The following PELI2 variants were observed in gnomAD, a reference collection of about 807,000 sequenced individuals.
The protein encoded by PELI2 is pellino E3 ubiquitin protein ligase family member 2.
In PELI2, 23 loss-of-function variants were observed where a neutral mutation model predicts 42.3. The ratio of observed to expected loss-of-function variants is 0.54; its 90% confidence interval spans 0.39 to 0.77. The LOEUF (loss-of-function observed/expected upper bound fraction) is 0.77. PELI2 is among the 30% of genes least tolerant of loss of function. PELI2 has a pLI of 0.00. For missense variants in PELI2, 463 were observed against 553.2 expected (o/e 0.84, Z 1.64); for synonymous variants, 245 against 212.2 (o/e 1.15, Z -1.34).
At chr14:56,271,635 C>T (rs1030868721) in intron 2 of PELI2, among the ~76,000 whole-genome samples, 6 of 152,156 alleles carry the variant, frequency 3.9e-5, no homozygotes, top group Admixed American at 3.3e-4. Flanking sequence ...ACTTAGTCTG[C>T]GATGCCATAT....
chr14:56,119,758 TGAA>T (rs1247268335), intron 1 of PELI2: 2 of 979,206 alleles, frequency 2.0e-6, no homozygotes, highest in Non-Finnish European at 2.4e-6. Context: ...GGTTTAGTGT[TGAA>T]GAAAGGATTA....
chr14:56,297,157 A>G lies in PELI2; in HGVS notation c.1254A>G (p.Pro418=), dbSNP rs1890038588. Residue 418 remains proline, a synonymous_variant, in exon 6 of 6, where the codon CCA becomes CCG. Transcript: ENST00000267460. ...QNCIKLIFQG[P]ID ...GCATCAAATTAATTTTCCAAGGTCCAATTGACTGACGCCCTTGACAGCCAT... is the reference window on the plus strand; with the variant it reads ...GCATCAAATTAATTTTCCAAGGTCCGATTGACTGACGCCCTTGACAGCCAT... The G allele has an allele frequency of 6.3e-7, 1 of 1,597,406 alleles. No homozygotes were observed. Among genetic ancestry groups the G allele is most frequent in the African/African-American group, 1.3e-5 (1 of 74,880 alleles).
At chr14:56,198,409 G>C (rs963231584) in intron 2 of PELI2, among the ~76,000 whole-genome samples, 4 of 152,214 alleles carry the variant, frequency 2.6e-5, no homozygotes, top group South Asian at 2.1e-4. Context: ...AGAACCCAGA[G>C]AGCGTGGCAT....
At chr14:56,280,189 C>T (rs78910743) in intron 3 of PELI2, among the ~76,000 whole-genome samples, 2,503 of 151,990 alleles carry the variant, frequency 0.016, 64 homozygotes, top group African/African-American at 0.057. Context: ...ACATCTTACT[C>T]GGAAGAAAAT....
intron 2 of PELI2, among the ~76,000 whole-genome samples, chr14:56,247,902 A>G (rs1350103610): frequency 1.3e-5 from 2 of 152,206 alleles, no homozygotes; most frequent in South Asian, 2.1e-4. Context: ...ACTATATTCT[A>G]TATTTGGAGA....
chr14:56,124,549 G>A (rs567652964), intron 1 of PELI2, among the ~76,000 whole-genome samples: 12 of 152,320 alleles, frequency 7.9e-5, no homozygotes, highest in African/African-American at 2.9e-4. Flanking sequence ...AACCGTTACT[G>A]ATACATGGTT....
chr14:56,257,454 A>G (rs1039720745), intron 2 of PELI2, among the ~76,000 whole-genome samples: 8 of 152,226 alleles, frequency 5.3e-5, no homozygotes. Context: ...AATTGTTTAA[A>G]TTATTAAAAT....
intron 1 of PELI2, among the ~76,000 whole-genome samples, chr14:56,143,178 G>A (rs751853071): frequency 3.9e-5 from 6 of 152,184 alleles, no homozygotes; most frequent in East Asian, 3.9e-4. Context: ...AGTACTGGTC[G>A]GTTATTTTGT....
chr14:56,170,066 G>A (rs953672133), intron 1 of PELI2, among the ~76,000 whole-genome samples: 10 of 152,194 alleles, frequency 6.6e-5, no homozygotes, highest in African/African-American at 2.4e-4. Flanking sequence ...CTTTGAGTCT[G>A]TCTGTCTCTA....
chr14:56,275,575 C>T (rs959478606), intron 2 of PELI2, among the ~76,000 whole-genome samples: 8 of 152,158 alleles, frequency 5.3e-5, no homozygotes, highest in East Asian at 3.9e-4. Context: ...CCCTCACATG[C>T]GCATTCACAA....
chr14:56,198,903 T>G (rs1886234940), intron 2 of PELI2, among the ~76,000 whole-genome samples: 1 of 152,218 alleles, frequency 6.6e-6, no homozygotes, highest in Admixed American at 6.5e-5. Context: ...TTTGACAAAG[T>G]GAATAATGTT....
Position 56,279,704 on chromosome 14 carries a change from T to A in PELI2, c.236T>A (p.Ile79Lys), listed in dbSNP as rs1889411636. ...ATCAGCTGCAAAGGTCAACACAGTATATCCTACACTTTGTCAAGGAATCAG... is the reference window on the plus strand; with the variant it reads ...ATCAGCTGCAAAGGTCAACACAGTAAATCCTACACTTTGTCAAGGAATCAG... ...KAISCKGQHS[I>K]SYTLSRNQTV... Residue 79 changes from isoleucine (I) to lysine (K), a missense_variant, in exon 3 of 6, where the codon ATA becomes AAA. Ile to Lys is a moderately radical substitution (Grantham distance 102). This residue lies in a region of PELI2 where 343 missense variants were observed against 378.4 expected (regional missense o/e 0.91). Coordinates refer to ENST00000267460, the MANE Select transcript of PELI2 (RefSeq NM_021255.3). 6.3e-7 allele frequency: 1 copy of A among 1,599,580 alleles called. No homozygotes were observed. The highest frequency in any genetic ancestry group is 1.7e-5 in the Admixed American group (1 of 59,770).
intron 2 of PELI2, among the ~76,000 whole-genome samples, chr14:56,191,681 A>C (rs1885952603): frequency 6.6e-6 from 1 of 152,138 alleles, no homozygotes; most frequent in African/African-American, 2.4e-5. Flanking sequence ...AGGCAGTGTA[A>C]ATTCCTCTAG....
At chr14:56,157,201 A>G (rs551596298) in intron 1 of PELI2, among the ~76,000 whole-genome samples, 7 of 152,232 alleles carry the variant, frequency 4.6e-5, no homozygotes, top group Non-Finnish European at 7.3e-5. Flanking sequence ...TGTGGCAAAC[A>G]TCATTTACTA....
chr14:56,280,163 TGACAA>T (rs1188736095), intron 3 of PELI2, among the ~76,000 whole-genome samples: 1 of 152,092 alleles, frequency 6.6e-6, no homozygotes, highest in Admixed American at 6.6e-5. Flanking sequence ...GTAGCACAAC[TGACAA>T]GACGAGGCCA....
chr14:56,201,341 G>T (rs913624626), intron 2 of PELI2, among the ~76,000 whole-genome samples: 3 of 152,142 alleles, frequency 2.0e-5, no homozygotes, highest in African/African-American at 7.2e-5. Context: ...ACTTAAGTAG[G>T]CCTGCAAGCC....
intron 1 of PELI2, among the ~76,000 whole-genome samples, chr14:56,159,008 G>A (rs1884664725): frequency 1.3e-5 from 2 of 152,114 alleles, no homozygotes; most frequent in African/African-American, 4.8e-5. Flanking sequence ...TTCTGAAAGA[G>A]TATTCTTTAT....
intron 2 of PELI2, among the ~76,000 whole-genome samples, chr14:56,240,174 C>T (rs564302636): frequency 8.5e-5 from 13 of 152,150 alleles, no homozygotes; most frequent in Non-Finnish European, 1.6e-4. Context: ...ATGTGTGACA[C>T]GATCAGATTT....
At chr14:56,228,241 G>A (rs1887431783) in intron 2 of PELI2, among the ~76,000 whole-genome samples, 1 of 152,200 alleles carries the variant, frequency 6.6e-6, no homozygotes, top group Non-Finnish European at 1.5e-5. Flanking sequence ...ATTATTTGAA[G>A]TCAGCCATAC....
Sources: allele counts gnomAD v4.1 joint callset (sites outside exome capture counted in the v4.1 genomes callset), GRCh38; gene constraint gnomAD v4.1.1; regional missense constraint gnomAD v4.1.1; transcripts MANE v1.5; gene names NCBI Gene and HGNC (gene_info 2026-07-23, HGNC 2026-07-21).